The following ULK4 variants were observed in gnomAD, a reference collection of about 807,000 sequenced individuals.
The protein encoded by ULK4 is inactive serine/threonine-protein kinase ULK4.
A neutral mutation model predicts 160.6 loss-of-function variants in ULK4; 133 were observed. The ratio of observed to expected loss-of-function variants is 0.83; its 90% CI spans 0.72 to 0.96. The LOEUF is 0.96. Among genes scored for constraint, ULK4 ranks in the 40% least tolerant of loss-of-function variants. The probability of loss-of-function intolerance (pLI) is 0.00; values close to 1 mark genes in which losing one functional copy is unlikely to be tolerated. For synonymous variants in ULK4, 534 were observed against 539.8 expected (o/e 0.99, Z 0.15); for missense variants, 1,580 against 1,499.5 (o/e 1.05, Z -0.89).
rs547438197 is a variant in ULK4 at position 41,327,759 on chromosome 3, C to T, written c.3678+70320G>A. On this transcript the variant is annotated intron_variant, in intron 35 of 36. Coordinates refer to ENST00000301831, the MANE Select transcript of ULK4 (RefSeq NM_017886.4). ...ATGCGGCGCCATCCTGCCCCAGCAA[C>T]CCAAACTATAATAGCATCAAGGCAT... Among the ~76,000 whole-genome samples, 3 of 152,240 alleles carry T rather than the reference C, an allele frequency of 2.0e-5. No homozygotes were observed. In the East Asian group the frequency reaches 5.8e-4, roughly 29 times the overall value.
chr3:41,544,703 T>A (rs2086801566), intron 32 of ULK4, among the ~76,000 whole-genome samples: 1 of 152,174 alleles, frequency 6.6e-6, no homozygotes, highest in Admixed American at 6.6e-5. Context: ...ACTTTCCCCC[T>A]CAGATGAGCT....
At chr3:41,305,826 C>T (rs1352881480) in intron 35 of ULK4, among the ~76,000 whole-genome samples, 1 of 149,930 alleles carries the variant, frequency 6.7e-6, no homozygotes, top group Non-Finnish European at 1.5e-5. Flanking sequence ...AGCGTCTCTG[C>T]CCGGCCGCCC....
chr3:41,358,797 G>A (rs896259273), intron 35 of ULK4, among the ~76,000 whole-genome samples: 5 of 152,130 alleles, frequency 3.3e-5, no homozygotes, highest in African/African-American at 1.2e-4. Flanking sequence ...CGGCTTGCAT[G>A]CCATAAACTT....
At chr3:41,293,994 C>A (rs2079621798) in intron 35 of ULK4, among the ~76,000 whole-genome samples, 1 of 152,216 alleles carries the variant, frequency 6.6e-6, no homozygotes, top group Non-Finnish European at 1.5e-5. Flanking sequence ...TGTGTGAATT[C>A]AGGGCCCAGC....
chr3:41,862,780 TC>T (rs2042532061), intron 17 of ULK4, among the ~76,000 whole-genome samples: 1 of 129,044 alleles, frequency 7.7e-6, no homozygotes, highest in African/African-American at 4.4e-5. Context: ...TCTCTCTCTC[TC>T]TCTCCGCTCC....
chr3:41,443,299 T>C (rs772381562), intron 34 of ULK4, among the ~76,000 whole-genome samples: 44 of 152,248 alleles, frequency 2.9e-4, no homozygotes, highest in Non-Finnish European at 4.4e-4. Context: ...TTTTAATTTA[T>C]TTGATTCACC....
intron 32 of ULK4, among the ~76,000 whole-genome samples, chr3:41,528,949 G>C (rs891494772): frequency 6.6e-6 from 1 of 152,074 alleles, no homozygotes; most frequent in Non-Finnish European, 1.5e-5. Context: ...CCTATGTAGC[G>C]AGCCTTCACA....
intron 35 of ULK4, among the ~76,000 whole-genome samples, chr3:41,306,653 C>T (rs2079945872): frequency 6.6e-6 from 1 of 151,992 alleles, no homozygotes; most frequent in Admixed American, 6.5e-5. Flanking sequence ...GTGTGCCCAA[C>T]AGCTCATTGA....
intron 17 of ULK4, among the ~76,000 whole-genome samples, chr3:41,836,662 C>A (rs893370877): frequency 6.6e-6 from 1 of 152,154 alleles, no homozygotes; most frequent in African/African-American, 2.4e-5. Context: ...TGCTCCGGCA[C>A]AACACAGTTT....
rs536668650 is a variant in ULK4, at chr3:41,292,202, A to C, written c.3679-42628T>G. Among the ~76,000 whole-genome samples the C allele has an allele frequency of 8.2e-4, 125 of 152,362 alleles. No individual in the cohort carries two copies. In the South Asian group the frequency reaches 0.016, roughly 19 times the overall value. Reference sequence around the variant, plus strand: ...CAAATAAATAATAATAACAATGGCAACAACAATAACTACTTCTAAGTGGAA... The same window carrying C: ...CAAATAAATAATAATAACAATGGCACCAACAATAACTACTTCTAAGTGGAA... On this transcript the variant is annotated intron_variant, in intron 35 of 36. Transcript: ENST00000301831.
chr3:41,394,895 A>T (rs1229424953), intron 35 of ULK4, among the ~76,000 whole-genome samples: 1 of 152,090 alleles, frequency 6.6e-6, no homozygotes, highest in Non-Finnish European at 1.5e-5. Flanking sequence ...TGTAAACATT[A>T]TGGGCATTCT....
chr3:41,942,988 T>C (rs1575993736), intron 2 of ULK4, among the ~76,000 whole-genome samples: 2 of 151,634 alleles, frequency 1.3e-5, no homozygotes, highest in African/African-American at 2.4e-5. Flanking sequence ...CCGAGGCGGG[T>C]GGATCACGAG....
At chr3:41,852,713 G>A (rs930956877) in intron 17 of ULK4, among the ~76,000 whole-genome samples, 3 of 152,122 alleles carry the variant, frequency 2.0e-5, no homozygotes, top group African/African-American at 2.4e-5. Context: ...GGTGGATGGG[G>A]GGAGATGTGC....
intron 22 of ULK4, among the ~76,000 whole-genome samples, chr3:41,729,295 A>C (rs2037749597): frequency 6.6e-6 from 1 of 152,086 alleles, no homozygotes; most frequent in Non-Finnish European, 1.5e-5. Context: ...TGTCATGAAA[A>C]CCTGCAGTTT....
intron 32 of ULK4, among the ~76,000 whole-genome samples, chr3:41,506,513 G>A (rs1057228555): frequency 4.6e-5 from 7 of 151,916 alleles, no homozygotes; most frequent in African/African-American, 1.7e-4. Context: ...CTGGATTGTA[G>A]TCATTTTCTT....
intron 32 of ULK4, among the ~76,000 whole-genome samples, chr3:41,523,096 A>G (rs1467008849): frequency 6.6e-6 from 1 of 151,988 alleles, no homozygotes; most frequent in Non-Finnish European, 1.5e-5. Flanking sequence ...TTTAGTAGAG[A>G]TGGAGTTTCA....
At chr3:41,794,582 A>G (rs1395742331) in intron 20 of ULK4, among the ~76,000 whole-genome samples, 4 of 141,402 alleles carry the variant, frequency 2.8e-5, no homozygotes, top group African/African-American at 7.9e-5. Context: ...AATCGCTTGA[A>G]CCCAGGAGGC....
At chr3:41,358,140 T>TG (rs2081063429) in intron 35 of ULK4, among the ~76,000 whole-genome samples, 1 of 152,296 alleles carries the variant, frequency 6.6e-6, no homozygotes, top group South Asian at 2.1e-4. Flanking sequence ...TACAGGACAT[T>TG]GGAGGGCAAA....
intron 25 of ULK4, among the ~76,000 whole-genome samples, chr3:41,712,264 G>A (rs958958818): frequency 1.3e-5 from 2 of 152,114 alleles, no homozygotes; most frequent in Non-Finnish European, 2.9e-5. Context: ...AAGTCAATGG[G>A]AAGCACAGTT....
Sources: gnomAD v4.1 joint callset for allele counts (sites outside exome capture counted in the v4.1 genomes callset) on GRCh38, gnomAD v4.1.1 for gene constraint, MANE v1.5 for transcripts, NCBI Gene and HGNC (gene_info 2026-07-23, HGNC 2026-07-21) for gene names.